Variants in ZNF429 observed in about 807,000 individuals in gnomAD.
The protein encoded by ZNF429 is zinc finger protein 429.
Under a neutral mutation model 56.8 loss-of-function variants are expected in ZNF429, and 53 were observed. That is an observed-to-expected ratio of 0.93 (90% confidence interval 0.75 to 1.17). The LOEUF (loss-of-function observed/expected upper bound fraction) is 1.17. Among genes scored for constraint, ZNF429 ranks in the 50% most tolerant of loss-of-function variants. The pLI is 0.00. For missense variants in ZNF429, 849 were observed against 788.4 expected (o/e 1.08, Z -0.92); for synonymous variants, 278 against 264.7 (o/e 1.05, Z -0.49).
chr19:21,535,325 T>TTC lies in ZNF429; in HGVS notation c.227-951_227-950dup. 5.6e-5 allele frequency among the ~76,000 whole-genome samples: 7 copies of TTC among 124,652 alleles called. 1 individual carries two copies. Among genetic ancestry groups the TTC allele is most frequent in the African/African-American group, 2.9e-4 (7 of 24,528 alleles). The allele number at this position is 124,652 out of a possible 152,430, so 81.8% of individuals were successfully genotyped here. A position where few individuals can be genotyped will look rare whatever the true frequency, so the allele number is the denominator to read the frequency against. Reference sequence around the variant, plus strand: ...TTTCTTTCTTTCTTTCTTTCTTTCTTTCTCTTTTCTTTTCTTTCCTTTCCT... The same window carrying TTC: ...TTTCTTTCTTTCTTTCTTTCTTTCTTTCTCTCTTTTCTTTTCTTTCCTTTCCT... On this transcript the variant is annotated intron_variant, in intron 3 of 3. Transcript: ENST00000358491.
Position 21,537,047 on chromosome 19 carries a change from A to G in ZNF429, c.994A>G (p.Lys332Glu), listed in dbSNP as rs1404660996. Reference protein sequence around the residue: ...FNRSSTLTSHKRIHTGEKPYK... With the variant: ...FNRSSTLTSHERIHTGEKPYK... ...CCGGTCCTCAACCCTTACTAGCCAT[A>G]AGAGAATACATACTGGTGAGAAACC... Residue 332 changes from lysine to glutamate, a missense_variant, in exon 4 of 4, where the codon AAG becomes GAG. Transcript: ENST00000358491. 2 of 1,613,974 alleles carry G rather than the reference A, an allele frequency of 1.2e-6. No homozygotes were observed. Among genetic ancestry groups the G allele is most frequent in the Non-Finnish European group, 1.7e-6 (2 of 1,180,000 alleles).
At chr19:21,533,640 C>T in intron 3 of ZNF429, among the ~76,000 whole-genome samples, 1 of 150,780 alleles carries the variant, frequency 6.6e-6, no homozygotes, top group Admixed American at 6.6e-5. Context: ...AAGGACCCAA[C>T]TTTATTTTAC....
rs1383316717 is a variant in ZNF429, at chr19:21,540,002, C to G, written c.*1924C>G. 6.6e-6 allele frequency among the ~76,000 whole-genome samples: 1 copy of G among 151,570 alleles called. No homozygotes were observed. Among genetic ancestry groups the G allele is most frequent in the Non-Finnish European group, 1.5e-5 (1 of 67,950 alleles). ...TAACTTATTGAGTGATGTATGAGGT[C>G]GATGTTCAGAGTAATATGCCTCTGT... is the stretch of plus-strand genomic sequence containing the variant. On this transcript the variant is annotated 3_prime_UTR_variant, in exon 4 of 4. Coordinates refer to ENST00000358491, the MANE Select transcript of ZNF429 (RefSeq NM_001001415.4).
chr19:21,531,115 A>AAAAAAAAAC, intron 3 of ZNF429, among the ~76,000 whole-genome samples: 4 of 119,862 alleles, frequency 3.3e-5, no homozygotes, highest in African/African-American at 1.5e-4. Context: ...TCAAAAAAAA[A>AAAAAAAAAC]AAAAAAAAAA....
Position 21,505,698 on chromosome 19 carries a change from C to G in ZNF429, c.-74C>G. 6.5e-7 allele frequency: 1 copy of G among 1,538,278 alleles called. No individual in the cohort carries two copies. Among genetic ancestry groups the G allele is most frequent in the Non-Finnish European group, 8.9e-7 (1 of 1,119,574 alleles). On this transcript the variant is annotated 5_prime_UTR_variant, in exon 1 of 4. Transcript: ENST00000358491. Reference sequence around the variant, plus strand: ...GTGTCCTTTGTTCTTAGAGGCCCAGCCTGTGTGGCCCTGTGACCCGCAGAT... The same window carrying G: ...GTGTCCTTTGTTCTTAGAGGCCCAGGCTGTGTGGCCCTGTGACCCGCAGAT...
rs2033813972 is a variant in ZNF429, at chr19:21,538,582, A to T, written c.*504A>T. 6.6e-6 allele frequency: 1 copy of T among 152,218 alleles called. No homozygotes were observed. Among genetic ancestry groups the T allele is most frequent in the African/African-American group, 2.4e-5 (1 of 41,454 alleles). The allele number at this position is 152,218 out of a possible 1,614,324, so 9.4% of individuals were successfully genotyped here. ...GCCACTACACTCCAGCCTGGATGAC[A>T]AAACAAGACTCTGTCTAAAAAATAT... On this transcript the variant is annotated 3_prime_UTR_variant, in exon 4 of 4. Transcript: ENST00000358491.
intron 1 of ZNF429, among the ~76,000 whole-genome samples, chr19:21,509,164 G>A (rs2032330788): frequency 1.3e-5 from 2 of 151,990 alleles, no homozygotes; most frequent in South Asian, 2.1e-4. Flanking sequence ...GCACACTGTC[G>A]CGCCAGCCTA....
In ZNF429 at chr19:21,523,470, A is replaced by T. The variant is rs2033055752; in HGVS notation, c.4-6188A>T. ...TCTCTCCTCTTTGAACCATATAGTTATCTCTTGAAATTGTTTACTATTGCC... is the reference window on the plus strand; with the variant it reads ...TCTCTCCTCTTTGAACCATATAGTTTTCTCTTGAAATTGTTTACTATTGCC... On this transcript the variant is annotated intron_variant, in intron 1 of 3. Coordinates refer to ENST00000358491, the MANE Select transcript of ZNF429 (RefSeq NM_001001415.4). Among the ~76,000 whole-genome samples the T allele has an allele frequency of 2.0e-5, 3 of 152,364 alleles. No homozygotes were observed. In the South Asian group the frequency reaches 6.2e-4, roughly 32 times the overall value.
intron 1 of ZNF429, among the ~76,000 whole-genome samples, chr19:21,523,310 C>A (rs138123791): frequency 3.2e-4 from 49 of 152,286 alleles, no homozygotes; most frequent in Admixed American, 1.1e-3. Context: ...GAATGCAAAT[C>A]CTCTTTTTAG....
At chr19:21,516,990 G>A (rs1379613331) in intron 1 of ZNF429, among the ~76,000 whole-genome samples, 2 of 152,146 alleles carry the variant, frequency 1.3e-5, no homozygotes, top group Non-Finnish European at 2.9e-5. Flanking sequence ...TTGAATAAAA[G>A]TAGTGAGAGA....
chr19:21,525,242 C>A (rs1241185698), intron 1 of ZNF429, among the ~76,000 whole-genome samples: 2 of 151,970 alleles, frequency 1.3e-5, no homozygotes, highest in Non-Finnish European at 2.9e-5. Flanking sequence ...ATATATTTAT[C>A]TTCTAATAAA....
chr19:21,512,917 G>A (rs1454794383), intron 1 of ZNF429, among the ~76,000 whole-genome samples: 2 of 149,434 alleles, frequency 1.3e-5, no homozygotes, highest in African/African-American at 2.5e-5. Flanking sequence ...TGTCTTGCAC[G>A]CTGGAGTGCA....
At chr19:21,528,192 A>G (rs2033236364) in intron 1 of ZNF429, among the ~76,000 whole-genome samples, 1 of 152,122 alleles carries the variant, frequency 6.6e-6, no homozygotes, top group Non-Finnish European at 1.5e-5. Flanking sequence ...CAAGGTTTCT[A>G]TTAGGGAAAG....
At chr19:21,531,807 A>G in intron 3 of ZNF429, among the ~76,000 whole-genome samples, 1 of 145,606 alleles carries the variant, frequency 6.9e-6, no homozygotes, top group East Asian at 2.0e-4. Flanking sequence ...CTCTGTCTCA[A>G]AAAAAGAAAA....
intron 1 of ZNF429, among the ~76,000 whole-genome samples, chr19:21,508,845 T>C (rs1330997889): frequency 6.6e-6 from 1 of 152,116 alleles, no homozygotes; most frequent in African/African-American, 2.4e-5. Flanking sequence ...TTGTAGATAA[T>C]AGGTGAGTTA....
chr19:21,531,792 T>G, intron 3 of ZNF429, among the ~76,000 whole-genome samples: 2 of 147,368 alleles, frequency 1.4e-5, no homozygotes, highest in Admixed American at 6.9e-5. Flanking sequence ...GGTGATGGAG[T>G]GAGACTCTGT....
rs866797623 is a variant in ZNF429 at position 21,539,575 on chromosome 19, G to A, written c.*1497G>A. On this transcript the variant is annotated 3_prime_UTR_variant, in exon 4 of 4. Coordinates refer to ENST00000358491, the MANE Select transcript of ZNF429 (RefSeq NM_001001415.4). Reference sequence around the variant, plus strand: ...TAGCTGGGAATACAGGCATACACCAGCATGTCTGGCTATTTTTTTTTTTTT... The same window carrying A: ...TAGCTGGGAATACAGGCATACACCAACATGTCTGGCTATTTTTTTTTTTTT... 6.7e-5 allele frequency among the ~76,000 whole-genome samples: 10 copies of A among 149,560 alleles called. No individual in the cohort carries two copies. Among genetic ancestry groups the A allele is most frequent in the African/African-American group, 2.0e-4 (8 of 40,708 alleles).
chr19:21,524,075 A>C (rs189117569), intron 1 of ZNF429, among the ~76,000 whole-genome samples: 2,417 of 152,192 alleles, frequency 0.016, 73 homozygotes, highest in African/African-American at 0.055. Flanking sequence ...TGGCTCTTTG[A>C]GCTTTTCAGA....
chr19:21,512,115 TTTC>T (rs909167807), intron 1 of ZNF429, among the ~76,000 whole-genome samples: 4 of 151,304 alleles, frequency 2.6e-5, no homozygotes, highest in African/African-American at 9.8e-5. Flanking sequence ...AGAGCGGTAA[TTTC>T]TTGATTATAT....
Sources: gnomAD v4.1 joint callset for allele counts (sites outside exome capture counted in the v4.1 genomes callset) on GRCh38, gnomAD v4.1.1 for gene constraint, MANE v1.5 for transcripts, NCBI Gene and HGNC (gene_info 2026-07-23, HGNC 2026-07-21) for gene names.